Variants in LOC400499 observed in about 807,000 individuals in gnomAD.
the LOC400499 span, among the ~76,000 whole-genome samples, chr16:11,526,485 T>A: frequency 9.8e-5 from 15 of 152,352 alleles, no homozygotes; most frequent in African/African-American, 3.6e-4. Context: ...TTAAGAAATC[T>A]AAAGACAGAT....
the LOC400499 span, among the ~76,000 whole-genome samples, chr16:11,492,543 G>A: frequency 6.6e-6 from 1 of 151,974 alleles, no homozygotes; most frequent in African/African-American, 2.4e-5. Context: ...CAGCACTTTT[G>A]GGAAGCCGAG....
chr16:11,380,384 A>G, the LOC400499 span, among the ~76,000 whole-genome samples: 6 of 152,154 alleles, frequency 3.9e-5, no homozygotes, highest in African/African-American at 1.4e-4. Context: ...GTTCGAGACC[A>G]GCCTGGCTAA....
chr16:11,468,897 G>T, the LOC400499 span, among the ~76,000 whole-genome samples: 1 of 152,206 alleles, frequency 6.6e-6, no homozygotes, highest in Non-Finnish European at 1.5e-5. Context: ...AAAATGCTGG[G>T]ATTACAAGTG....
chr16:11,417,900 G>C, the LOC400499 span: 1 of 398,286 alleles, frequency 2.5e-6, no homozygotes, highest in South Asian at 1.3e-4. Flanking sequence ...CCTGGGTCAA[G>C]CTGGCACTGG....
chr16:11,444,548 G>T, the LOC400499 span, among the ~76,000 whole-genome samples: 1 of 152,222 alleles, frequency 6.6e-6, no homozygotes, highest in Admixed American at 6.5e-5. Context: ...CGGTAGTTAT[G>T]AGTGAACAAG....
the LOC400499 span, chr16:11,443,605 G>C: frequency 3.5e-6 from 1 of 284,704 alleles, no homozygotes; most frequent in African/African-American, 2.3e-5. Flanking sequence ...AGAGGTGTCA[G>C]GAAGAAGACC....
At chr16:11,420,247 T>C in the LOC400499 span, among the ~76,000 whole-genome samples, 2 of 151,752 alleles carry the variant, frequency 1.3e-5, no homozygotes, top group Non-Finnish European at 2.9e-5. Context: ...ATATACACCA[T>C]GGAATACTAT....
the LOC400499 span, among the ~76,000 whole-genome samples, chr16:11,474,067 C>T: frequency 6.6e-6 from 1 of 152,218 alleles, no homozygotes; most frequent in Non-Finnish European, 1.5e-5. Flanking sequence ...CTATGTTACC[C>T]AAGCTAGTCT....
the LOC400499 span, among the ~76,000 whole-genome samples, chr16:11,514,806 G>A: frequency 6.6e-6 from 1 of 152,186 alleles, no homozygotes; most frequent in African/African-American, 2.4e-5. Context: ...AGCAGACAGT[G>A]ACCCCCCAGG....
chr16:11,446,867 C>T, the LOC400499 span: 10 of 1,536,082 alleles, frequency 6.5e-6, no homozygotes, highest in Non-Finnish European at 8.7e-6. Context: ...GTGAAGGTCT[C>T]CTGCAGGAGG....
chr16:11,492,106 C>T, the LOC400499 span, among the ~76,000 whole-genome samples: 3,537 of 152,278 alleles, frequency 0.023, 105 homozygotes, highest in East Asian at 0.16. Context: ...GGCATGGCTA[C>T]GTTCCAATAA....
chr16:11,401,884 C>A, the LOC400499 span, among the ~76,000 whole-genome samples: 2 of 152,362 alleles, frequency 1.3e-5, no homozygotes, highest in African/African-American at 4.8e-5. Context: ...GCTGCCCCCC[C>A]AGTGCCTTTC....
At chr16:11,427,787 G>T in the LOC400499 span, among the ~76,000 whole-genome samples, 1 of 152,124 alleles carries the variant, frequency 6.6e-6, no homozygotes, top group Non-Finnish European at 1.5e-5. Flanking sequence ...TATATCAGAG[G>T]AACGAAGAAA....
the LOC400499 span, among the ~76,000 whole-genome samples, chr16:11,377,318 G>C: frequency 1.3e-5 from 2 of 152,146 alleles, no homozygotes; most frequent in African/African-American, 4.8e-5. Flanking sequence ...TACTGCCTCC[G>C]TTCCAATTTG....
the LOC400499 span, chr16:11,398,587 A>G: frequency 1.8e-6 from 2 of 1,103,474 alleles, no homozygotes; most frequent in Non-Finnish European, 2.3e-6. Flanking sequence ...GGAGACCCTC[A>G]CCTAGGCAAG....
chr16:11,443,183 G>A, the LOC400499 span, among the ~76,000 whole-genome samples: 1 of 151,738 alleles, frequency 6.6e-6, no homozygotes, highest in Non-Finnish European at 1.5e-5. Flanking sequence ...AATTAGCCGG[G>A]TGTGGTCATG....
chr16:11,452,307 C>G, the LOC400499 span, among the ~76,000 whole-genome samples: 5 of 144,498 alleles, frequency 3.5e-5, no homozygotes, highest in Non-Finnish European at 7.5e-5. Flanking sequence ...TTATGTTATT[C>G]TGTTGCTTTC....
chr16:11,411,060 A>T, the LOC400499 span, among the ~76,000 whole-genome samples: 2 of 152,184 alleles, frequency 1.3e-5, no homozygotes, highest in African/African-American at 4.8e-5. Flanking sequence ...CTGGCCCAGG[A>T]ATGTAAACCT....
the LOC400499 span, among the ~76,000 whole-genome samples, chr16:11,415,519 T>C: frequency 6.6e-6 from 1 of 152,178 alleles, no homozygotes. Flanking sequence ...GGACCACTTG[T>C]GGGACATGCA....
Sources: allele counts gnomAD v4.1 joint callset (sites outside exome capture counted in the v4.1 genomes callset), GRCh38; gene constraint gnomAD v4.1.1; transcripts MANE v1.5.